The following PTPRD variants were observed in gnomAD, a reference collection of about 807,000 sequenced individuals.
The protein encoded by PTPRD is receptor-type tyrosine-protein phosphatase delta.
In PTPRD, 34 loss-of-function variants were observed where a neutral mutation model predicts 214.5. The observed-to-expected ratio is 0.16, with a 90% CI of 0.12 to 0.21. The LOEUF (loss-of-function observed/expected upper bound fraction) is 0.21, where lower values mean the gene tolerates loss of function less well. Among genes scored for constraint, PTPRD ranks in the 10% least tolerant of loss-of-function variants. The pLI is 1.00. For synonymous variants in PTPRD, 1,128 were observed against 845.7 expected, an observed-to-expected ratio of 1.33 and a Z score of -5.79; for missense variants, 2,545 against 2,398.7, an observed-to-expected ratio of 1.06 and a Z score of -1.27.
intron 3 of PTPRD, among the ~76,000 whole-genome samples, chr9:10,314,102 T>C (rs1170902162): frequency 6.6e-6 from 1 of 151,944 alleles, no homozygotes; most frequent in Non-Finnish European, 1.5e-5. Flanking sequence ...ATTTTAATCT[T>C]CAGGTAGAGA....
chr9:9,785,447 C>G (rs1431981451), intron 5 of PTPRD, among the ~76,000 whole-genome samples: 7 of 152,030 alleles, frequency 4.6e-5, no homozygotes, highest in African/African-American at 1.7e-4. Context: ...CTGAAAAGGA[C>G]ACAACATAGT....
intron 2 of PTPRD, among the ~76,000 whole-genome samples, chr9:10,443,284 A>G (rs2098773721): frequency 6.6e-6 from 1 of 151,664 alleles, no homozygotes; most frequent in Non-Finnish European, 1.5e-5. Context: ...TTGTGGAACT[A>G]TCAGATAAAG....
intron 11 of PTPRD, among the ~76,000 whole-genome samples, chr9:8,884,063 A>G (rs67163376): frequency 0.22 from 33,884 of 152,186 alleles, 4,459 homozygotes; most frequent in Non-Finnish European, 0.3. Flanking sequence ...CACAAGTAAA[A>G]TTCTTATCCC....
At chr9:9,784,046 A>G (rs568840356) in intron 5 of PTPRD, among the ~76,000 whole-genome samples, 5 of 152,170 alleles carry the variant, frequency 3.3e-5, no homozygotes, top group South Asian at 2.1e-4. Flanking sequence ...ATGAAAATGT[A>G]ATTTGCATCA....
chr9:9,035,264 T>C (rs937473472), intron 10 of PTPRD, among the ~76,000 whole-genome samples: 3 of 152,102 alleles, frequency 2.0e-5, no homozygotes, highest in Non-Finnish European at 4.4e-5. Flanking sequence ...TAAGAGCTAT[T>C]TTCCTTTCCT....
At chr9:9,247,787 T>C (rs150854047) in intron 9 of PTPRD, among the ~76,000 whole-genome samples, 14 of 152,192 alleles carry the variant, frequency 9.2e-5, no homozygotes, top group South Asian at 2.1e-4. Context: ...TCCAATTCCA[T>C]TGAATCAGAT....
chr9:9,910,025 G>T (rs1342843747), intron 5 of PTPRD, among the ~76,000 whole-genome samples: 9 of 151,980 alleles, frequency 5.9e-5, no homozygotes, highest in Admixed American at 5.9e-4. Flanking sequence ...GTAAATATAT[G>T]GTCTCTGGAG....
intron 3 of PTPRD, among the ~76,000 whole-genome samples, chr9:10,076,555 CCTCA>C (rs1189212585): frequency 6.6e-6 from 1 of 152,046 alleles, no homozygotes; most frequent in Admixed American, 6.6e-5. Flanking sequence ...GAAGCCTTAA[CCTCA>C]CTGTTTGGTG....
intron 33 of PTPRD, among the ~76,000 whole-genome samples, chr9:8,454,899 T>C (rs940223613): frequency 2.6e-5 from 4 of 151,728 alleles, no homozygotes; most frequent in Non-Finnish European, 5.9e-5. Context: ...CCACAATTAA[T>C]TATATCCCAG....
chr9:10,358,905 G>T (rs901306313), intron 2 of PTPRD, among the ~76,000 whole-genome samples: 3 of 151,854 alleles, frequency 2.0e-5, no homozygotes, highest in African/African-American at 7.3e-5. Context: ...ATCTTCCATG[G>T]TTGCTGGTTG....
At chr9:10,094,418 T>A (rs562361194) in intron 3 of PTPRD, among the ~76,000 whole-genome samples, 1 of 151,278 alleles carries the variant, frequency 6.6e-6, no homozygotes, top group African/African-American at 2.4e-5. Context: ...GAAAATCAAT[T>A]CCATGCTCCT....
At chr9:8,613,978 G>A (rs2095531797) in intron 14 of PTPRD, among the ~76,000 whole-genome samples, 1 of 151,448 alleles carries the variant, frequency 6.6e-6, no homozygotes, top group South Asian at 2.1e-4. Context: ...AAATAGTAAA[G>A]TTGTGTCCTT....
At chr9:8,745,189 A>C (rs2154449790) in intron 11 of PTPRD, among the ~76,000 whole-genome samples, 1 of 152,336 alleles carries the variant, frequency 6.6e-6, no homozygotes, top group Admixed American at 6.5e-5. Flanking sequence ...CAATGCATGA[A>C]GTACAAGGAC....
intron 7 of PTPRD, among the ~76,000 whole-genome samples, chr9:9,601,149 GTAT>G (rs1391312521): frequency 9.1e-5 from 8 of 87,796 alleles, no homozygotes; most frequent in African/African-American, 4.5e-4. Context: ...GTGTGTGTGT[GTAT>G]GGGGGGGGGA....
rs1408320272 is a variant in PTPRD at position 8,841,789 on chromosome 9, A to ACC, written c.-103-107844_-103-107843insGG. Reference sequence around the variant, plus strand: ...CACTTTGGGAGGCCAAGGCGGGTGGATCATTTGAGGTCAAGAGTTCAAGAC... The same window carrying ACC: ...CACTTTGGGAGGCCAAGGCGGGTGGACCTCATTTGAGGTCAAGAGTTCAAGAC... On this transcript the variant is annotated intron_variant, in intron 11 of 45. Coordinates refer to ENST00000381196, the MANE Select transcript of PTPRD (RefSeq NM_002839.4). Among the ~76,000 whole-genome samples the ACC allele has an allele frequency of 3.9e-5, 6 of 152,050 alleles. 1 individual carries two copies. The highest frequency in any genetic ancestry group is 7.2e-5 in the African/African-American group (3 of 41,392).
intron 11 of PTPRD, among the ~76,000 whole-genome samples, chr9:8,834,271 T>C (rs920541196): frequency 1.3e-5 from 2 of 152,130 alleles, no homozygotes; most frequent in Non-Finnish European, 2.9e-5. Context: ...TTTAGATAGA[T>C]TTTTAAAACC....
At chr9:9,764,764 G>C (rs1450345718) in intron 6 of PTPRD, among the ~76,000 whole-genome samples, 1 of 152,100 alleles carries the variant, frequency 6.6e-6, no homozygotes, top group Non-Finnish European at 1.5e-5. Flanking sequence ...GATAGCAAGT[G>C]ACAGACTCAT....
intron 11 of PTPRD, among the ~76,000 whole-genome samples, chr9:9,012,780 G>T (rs903848036): frequency 1.1e-4 from 17 of 152,074 alleles, no homozygotes; most frequent in African/African-American, 3.1e-4. Context: ...CCATATGAGG[G>T]TGTATATTCT....
rs554122948 is a variant in PTPRD, at chr9:8,932,182, G to C, written c.-104+86515C>G. ...CTTCAGTTCTGCTCTGATCTTAAGT[G>C]TTTCTTGCCTTCTGCTAGCTTTTGA... On this transcript the variant is annotated intron_variant, in intron 11 of 45. Transcript: ENST00000381196. Among the ~76,000 whole-genome samples the C allele has an allele frequency of 2.6e-5, 4 of 152,076 alleles. No individual in the cohort carries two copies. In the South Asian group the frequency reaches 8.3e-4, roughly 32 times the overall value.
Sources: gnomAD v4.1 joint callset for allele counts (sites outside exome capture counted in the v4.1 genomes callset) on GRCh38, gnomAD v4.1.1 for gene constraint, MANE v1.5 for transcripts, NCBI Gene and HGNC (gene_info 2026-07-23, HGNC 2026-07-21) for gene names.